ADGB: variants seen among roughly 807,000 people sequenced by gnomAD.
ADGB encodes the protein androglobin.
In ADGB, 172 loss-of-function variants were observed where a neutral mutation model predicts 210.5. The ratio of observed to expected loss-of-function variants is 0.82; its 90% CI spans 0.72 to 0.93. ADGB has a LOEUF of 0.93. ADGB is among the 40% of genes least tolerant of loss of function. ADGB has a pLI of 0.00. For missense variants in ADGB, 2,025 were observed against 1,964.8 expected, an observed-to-expected ratio of 1.03 and a Z score of -0.58; for synonymous variants, 658 against 662.7, an observed-to-expected ratio of 0.99 and a Z score of 0.11.
intron 29 of ADGB, among the ~76,000 whole-genome samples, chr6:146,772,852 A>T (rs1777671787): frequency 6.6e-6 from 1 of 152,058 alleles, no homozygotes; most frequent in Non-Finnish European, 1.5e-5. Flanking sequence ...TTTGTATTAT[A>T]CAAGAAAGTC....
chr6:146,801,168 G>GTTTT lies in ADGB; in HGVS notation c.4538-14_4538-13insTTTT. 2 of 1,425,362 alleles carry GTTTT rather than the reference G, an allele frequency of 1.4e-6. No homozygotes were observed. The highest frequency in any genetic ancestry group is 1.9e-6 in the Non-Finnish European group (2 of 1,069,630). 88.3% of individuals were successfully genotyped at this position (1,425,362 alleles called of 1,614,324 possible). A position where few individuals can be genotyped will look rare whatever the true frequency, so the allele number is the denominator to read the frequency against. ...AAAGCCTAGGTTTTTTGTTGTGTGT[G>GTTTT]TGTTTTTTTTAAAGAAACAGGACCT... On this transcript the variant is annotated splice_polypyrimidine_tract_variant and intron_variant, in intron 33 of 35. Transcript: ENST00000397944.
At chr6:146,630,046 G>A (rs1019078996) in intron 1 of ADGB, among the ~76,000 whole-genome samples, 1 of 152,098 alleles carries the variant, frequency 6.6e-6, no homozygotes, top group East Asian at 1.9e-4. Flanking sequence ...AGGCCAGCCT[G>A]GCCAACATGA....
chr6:146,645,897 A>G (rs983873715), intron 3 of ADGB, among the ~76,000 whole-genome samples: 1 of 152,046 alleles, frequency 6.6e-6, no homozygotes, highest in African/African-American at 2.4e-5. Flanking sequence ...TAAGTTACTT[A>G]TAGTAACTTA....
chr6:146,671,445 G>A (rs1776007633), intron 7 of ADGB, among the ~76,000 whole-genome samples: 1 of 152,126 alleles, frequency 6.6e-6, no homozygotes, highest in African/African-American at 2.4e-5. Flanking sequence ...TGGTCATTCT[G>A]AATTTTCTGC....
At chr6:146,797,573 ATAC>A (rs1360519248) in intron 33 of ADGB, among the ~76,000 whole-genome samples, 1 of 152,194 alleles carries the variant, frequency 6.6e-6, no homozygotes, top group Non-Finnish European at 1.5e-5. Context: ...ACACTGTGGA[ATAC>A]TACTCAGCCA....
At position 146,672,505 on chromosome 6, in the gene ADGB, C is replaced by A. The variant is rs201739525; in HGVS notation, c.1087+38C>A. ...ACATCAAAATGTGATTCAGTATGGA[C>A]ATTGCATATAAATGCCTTACAATTT... is the stretch of plus-strand genomic sequence containing the variant. On this transcript the variant is annotated intron_variant, in intron 8 of 35. Coordinates refer to ENST00000397944, the MANE Select transcript of ADGB (RefSeq NM_024694.4). The A allele has an allele frequency of 2.3e-4, 339 of 1,491,366 alleles. 2 individuals carry two copies. The Middle Eastern group carries it at 2.5e-3, about 11-fold the overall frequency. The allele number at this position is 1,491,366 out of a possible 1,614,324, so 92.4% of individuals were successfully genotyped here. A position where few individuals can be genotyped will look rare whatever the true frequency, so the allele number is the denominator to read the frequency against.
rs867905474 is a variant in ADGB, at chr6:146,712,508, G to A, written c.1708-2874G>A. On this transcript the variant is annotated intron_variant, in intron 13 of 35. Transcript: ENST00000397944. ...GGCCCTGGGTTGTTTTTTTTGTTCT[G>A]TTTTGTTTTGTTTTTACATGAATTG... is the stretch of plus-strand genomic sequence containing the variant. Among the ~76,000 whole-genome samples the A allele has an allele frequency of 1.6e-4, 25 of 151,798 alleles. No individual in the cohort carries two copies. The South Asian group carries it at 3.5e-3, about 21-fold the overall frequency.
chr6:146,815,262 T>A lies in ADGB; in HGVS notation c.*45T>A. ...ACCCTGCTTCTGGAGAGAAAAAATC[T>A]ATTTGTAATGATCTTTAACTGCCTG... On this transcript the variant is annotated 3_prime_UTR_variant, in exon 36 of 36. Transcript: ENST00000397944. 1 of 1,397,494 alleles carries A rather than the reference T, an allele frequency of 7.2e-7. No homozygotes were observed. Among genetic ancestry groups the A allele is most frequent in the Non-Finnish European group, 9.4e-7 (1 of 1,066,242 alleles). 86.6% of individuals were successfully genotyped at this position (1,397,494 alleles called of 1,614,324 possible).
chr6:146,672,513 A>G, intron 8 of ADGB, 46 bp downstream of exon 8: 1 of 1,473,558 alleles, frequency 6.8e-7, no homozygotes, highest in South Asian at 1.4e-5. Flanking sequence ...GACATTGCAT[A>G]TAAATGCCTT....
At chr6:146,704,324 T>C (rs1776536871) in intron 13 of ADGB, among the ~76,000 whole-genome samples, 1 of 152,004 alleles carries the variant, frequency 6.6e-6, no homozygotes, top group Non-Finnish European at 1.5e-5. Context: ...TAATTCCTTC[T>C]GTCTGTTTGC....
Position 146,732,049 on chromosome 6 carries a change from G to A in ADGB, c.2521-1071G>A, listed in dbSNP as rs577640444. Among the ~76,000 whole-genome samples, 13 of 152,170 alleles carry A rather than the reference G, an allele frequency of 8.5e-5. 1 individual carries two copies. The highest frequency in any genetic ancestry group is 1.2e-4 in the African/African-American group (5 of 41,516). ...ACATCTCCAGGCTGGCTTTTTAACC[G>A]AGCCTCCTATGTGTCATTGCAATCT... On this transcript the variant is annotated intron_variant, in intron 20 of 35. Coordinates refer to ENST00000397944, the MANE Select transcript of ADGB (RefSeq NM_024694.4).
rs758377131 is a variant in ADGB at position 146,616,798 on chromosome 6, TTTG to T, written c.74+17699_74+17701del. On this transcript the variant is annotated intron_variant, in intron 1 of 35. Transcript: ENST00000397944. ...TGCTTCATTGGTTTATGTGTCTGGT[TTTG>T]TTGTTGTTGTTGTTTTGCCAGTACC... 4.0e-3 allele frequency among the ~76,000 whole-genome samples: 602 copies of T among 152,156 alleles called. 1 individual carries two copies. The highest frequency in any genetic ancestry group is 0.013 in the African/African-American group (549 of 41,540).
intron 2 of ADGB, among the ~76,000 whole-genome samples, chr6:146,637,141 G>A (rs1341185458): frequency 2.0e-5 from 3 of 151,942 alleles, no homozygotes; most frequent in Non-Finnish European, 2.9e-5. Context: ...CTGGGGAAAA[G>A]GGAACCACAA....
chr6:146,657,559 G>A (rs555681198), intron 5 of ADGB, among the ~76,000 whole-genome samples: 2 of 152,306 alleles, frequency 1.3e-5, no homozygotes, highest in South Asian at 4.1e-4. Flanking sequence ...AGACCACTGA[G>A]GTATGGCCAC....
chr6:146,656,904 C>T lies in ADGB; in HGVS notation c.536C>T (p.Ser179Phe), dbSNP rs377154535. The T allele has an allele frequency of 6.4e-6, 10 of 1,551,650 alleles. No homozygotes were observed. The highest frequency in any genetic ancestry group is 6.1e-6 in the Non-Finnish European group (7 of 1,146,902). ...TGGAAGCCCTGGGAACACATATACT[C>T]TCTGTGCAAGGCTGTGAAGGGTCAT... ...LPWKPWEHIY[S>F]LCKAVKGHMP... Residue 179 changes from serine (S) to phenylalanine (F), a missense_variant, in exon 5 of 36, where the codon TCT (serine) becomes TTT (phenylalanine). By Grantham distance (155) the Ser-to-Phe change is radical. Coordinates refer to ENST00000397944, the MANE Select transcript of ADGB (RefSeq NM_024694.4).
intron 1 of ADGB, among the ~76,000 whole-genome samples, chr6:146,625,631 G>GT (rs1410287575): frequency 1.3e-5 from 2 of 151,932 alleles, no homozygotes; most frequent in African/African-American, 4.8e-5. Context: ...TAAAAGTGTG[G>GT]TTCCCCCTCT....
At chr6:146,734,329 G>A (rs1777048025) in intron 22 of ADGB, among the ~76,000 whole-genome samples, 1 of 152,198 alleles carries the variant, frequency 6.6e-6, no homozygotes, top group Non-Finnish European at 1.5e-5. Flanking sequence ...TTTTAAAACA[G>A]GGAACTGGTC....
chr6:146,772,656 A>C (rs1777667638), intron 29 of ADGB, among the ~76,000 whole-genome samples: 1 of 147,862 alleles, frequency 6.8e-6, no homozygotes, highest in South Asian at 2.1e-4. Context: ...TATTTGCCTA[A>C]ATTTATTTAT....
At chr6:146,708,712 A>C (rs561182978) in intron 13 of ADGB, among the ~76,000 whole-genome samples, 1 of 152,176 alleles carries the variant, frequency 6.6e-6, no homozygotes, top group African/African-American at 2.4e-5. Context: ...TCTGATTTTG[A>C]AGACCTTCTA....
Sources: allele counts gnomAD v4.1 joint callset (sites outside exome capture counted in the v4.1 genomes callset), GRCh38; gene constraint gnomAD v4.1.1; transcripts MANE v1.5; gene names NCBI Gene and HGNC (gene_info 2026-07-23, HGNC 2026-07-21).